The following EFCAB11 variants were observed in gnomAD, a reference collection of about 807,000 sequenced individuals.
EFCAB11 encodes the protein EF-hand calcium binding domain 11, also known as EF-hand calcium-binding domain-containing protein 11.
In EFCAB11, 14 loss-of-function variants were observed where a neutral mutation model predicts 23.0. The ratio of observed to expected loss-of-function variants is 0.61; its 90% CI spans 0.40 to 0.95. The LOEUF is 0.95. EFCAB11 is among the 40% of genes least tolerant of loss of function. The probability of loss-of-function intolerance (pLI) is 0.00; values close to 1 mark genes in which losing one functional copy is unlikely to be tolerated. For synonymous variants in EFCAB11, 65 were observed against 66.6 expected (o/e 0.98, Z 0.11); for missense variants, 198 against 195.8 (o/e 1.01, Z -0.07).
At chr14:89,850,300 T>C (rs868834089) in intron 5 of EFCAB11, among the ~76,000 whole-genome samples, 7 of 152,250 alleles carry the variant, frequency 4.6e-5, no homozygotes, top group South Asian at 2.1e-4. Context: ...ATATTAATCC[T>C]ACCTGCCTTA....
intron 5 of EFCAB11, among the ~76,000 whole-genome samples, chr14:89,925,228 AAC>A (rs1192742265): frequency 3.3e-5 from 5 of 152,202 alleles, no homozygotes; most frequent in African/African-American, 1.2e-4. Flanking sequence ...CGCCAAGGGA[AAC>A]ACAGGAATTT....
chr14:89,808,708 A>G (rs985107507), intron 5 of EFCAB11, among the ~76,000 whole-genome samples: 3 of 152,238 alleles, frequency 2.0e-5, no homozygotes, highest in Non-Finnish European at 2.9e-5. Context: ...TTGATAATGA[A>G]ACAATTCCCT....
rs371056823 is a variant in EFCAB11 at position 89,931,606 on chromosome 14, A to G, written c.345T>C (p.Asp115=). The G allele has an allele frequency of 2.0e-5, 33 of 1,614,096 alleles. No homozygotes were observed. The highest frequency in any genetic ancestry group is 2.5e-5 in the Non-Finnish European group (30 of 1,179,988). Reference sequence around the variant, plus strand: ...CCACCTGCCTAAATGCTTTTTTGAAATCTTCCAAAGTTAAAAATCCACGAT... The same window carrying G: ...CCACCTGCCTAAATGCTTTTTTGAAGTCTTCCAAAGTTAAAAATCCACGAT... ...TYYRGFLTLE[D]FKKAFRQVAP... Residue 115 remains aspartate, a synonymous_variant, in exon 5 of 6, where the codon GAT becomes GAC. Coordinates refer to ENST00000316738, the MANE Select transcript of EFCAB11 (RefSeq NM_145231.4).
chr14:89,867,672 C>G (rs919773715), intron 5 of EFCAB11, among the ~76,000 whole-genome samples: 1 of 152,146 alleles, frequency 6.6e-6, no homozygotes, highest in African/African-American at 2.4e-5. Flanking sequence ...AATGCAAATG[C>G]CTCTGGGAAG....
intron 3 of EFCAB11, among the ~76,000 whole-genome samples, chr14:89,944,155 G>A (rs563834434): frequency 6.6e-6 from 1 of 152,328 alleles, no homozygotes; most frequent in African/African-American, 2.4e-5. Flanking sequence ...GAGGTTTAAT[G>A]GACTTACAGT....
In EFCAB11 at chr14:89,844,606, T is replaced by C. The variant is rs553857452; in HGVS notation, c.411-47282A>G. ...TGGGGCACTGGCCCTATGTCTGAAA[T>C]CCAAGCTAAGCAACTTCTGCATGGC... is the stretch of plus-strand genomic sequence containing the variant. On this transcript the variant is annotated intron_variant, in intron 5 of 5. Coordinates refer to ENST00000316738, the MANE Select transcript of EFCAB11 (RefSeq NM_145231.4). Among the ~76,000 whole-genome samples, 47 of 152,256 alleles carry C rather than the reference T, an allele frequency of 3.1e-4. No homozygotes were observed. In the South Asian group the frequency reaches 8.1e-3, roughly 26 times the overall value.
intron 5 of EFCAB11, among the ~76,000 whole-genome samples, chr14:89,839,668 G>A (rs1887195536): frequency 6.6e-6 from 1 of 152,022 alleles, no homozygotes; most frequent in Non-Finnish European, 1.5e-5. Context: ...AGGTTTAATT[G>A]GCTTACAGTT....
chr14:89,857,278 A>G (rs892678195), intron 5 of EFCAB11, among the ~76,000 whole-genome samples: 1 of 152,248 alleles, frequency 6.6e-6, no homozygotes, highest in Non-Finnish European at 1.5e-5. Context: ...CGCATTTCAC[A>G]GCTCTGCCCT....
chr14:89,918,868 A>G (rs1889934269), intron 5 of EFCAB11, among the ~76,000 whole-genome samples: 1 of 151,636 alleles, frequency 6.6e-6, no homozygotes, highest in African/African-American at 2.4e-5. Context: ...TGCCATCCCT[A>G]TAACAGGGAA....
At chr14:89,881,088 T>A (rs1004845921) in intron 5 of EFCAB11, among the ~76,000 whole-genome samples, 37 of 152,088 alleles carry the variant, frequency 2.4e-4, no homozygotes, top group South Asian at 1.2e-3. Flanking sequence ...TACTCTGCAT[T>A]CTTATTACCC....
At chr14:89,920,917 T>C (rs1566811396) in intron 5 of EFCAB11, among the ~76,000 whole-genome samples, 3 of 151,874 alleles carry the variant, frequency 2.0e-5, no homozygotes, top group Non-Finnish European at 2.9e-5. Context: ...ATACAAAAAT[T>C]AGCTGCGCAT....
At chr14:89,858,271 C>T (rs1015704818) in intron 5 of EFCAB11, among the ~76,000 whole-genome samples, 2 of 152,218 alleles carry the variant, frequency 1.3e-5, no homozygotes, top group Admixed American at 1.3e-4. Flanking sequence ...CTGAGTGAGC[C>T]ACCTCGGAAG....
At chr14:89,822,571 T>C (rs1295942577) in intron 5 of EFCAB11, among the ~76,000 whole-genome samples, 1 of 152,154 alleles carries the variant, frequency 6.6e-6, no homozygotes, top group Non-Finnish European at 1.5e-5. Flanking sequence ...GAAGGAGCTG[T>C]GCAGAAAAAA....
chr14:89,827,256 C>T (rs1347212292), intron 5 of EFCAB11, among the ~76,000 whole-genome samples: 3 of 152,176 alleles, frequency 2.0e-5, no homozygotes, highest in Non-Finnish European at 4.4e-5. Context: ...GGAGCTGGAA[C>T]CCAGACCCCT....
chr14:89,885,915 A>C (rs1347009303), intron 5 of EFCAB11, among the ~76,000 whole-genome samples: 1 of 149,998 alleles, frequency 6.7e-6, no homozygotes, highest in African/African-American at 2.4e-5. Flanking sequence ...TGAAAAACTG[A>C]CTCTAAAATT....
At chr14:89,868,508 C>T (rs1278214340) in intron 5 of EFCAB11, among the ~76,000 whole-genome samples, 3 of 152,136 alleles carry the variant, frequency 2.0e-5, no homozygotes, top group African/African-American at 7.2e-5. Flanking sequence ...TAGAATTAAG[C>T]AGAAAAACTA....
At chr14:89,839,452 C>G (rs1887188708) in intron 5 of EFCAB11, among the ~76,000 whole-genome samples, 1 of 152,006 alleles carries the variant, frequency 6.6e-6, no homozygotes. Context: ...TTGGAGGTCT[C>G]TCTGTTAGTC....
At chr14:89,910,509 A>T (rs1889643472) in intron 5 of EFCAB11, among the ~76,000 whole-genome samples, 1 of 152,112 alleles carries the variant, frequency 6.6e-6, no homozygotes, top group African/African-American at 2.4e-5. Flanking sequence ...GAGGCATGAG[A>T]ATCACTCGAA....
chr14:89,832,994 T>C (rs968499856), intron 5 of EFCAB11: 6 of 152,154 alleles, frequency 3.9e-5, no homozygotes, highest in African/African-American at 1.4e-4. Context: ...GTCTCATCTA[T>C]CCTCCTTTGA....
Sources: gnomAD v4.1 joint callset for allele counts (sites outside exome capture counted in the v4.1 genomes callset) on GRCh38, gnomAD v4.1.1 for gene constraint, MANE v1.5 for transcripts, NCBI Gene and HGNC (gene_info 2026-07-23, HGNC 2026-07-21) for gene names.